Variants in FRMD6 observed in about 807,000 individuals in gnomAD.
FRMD6 encodes FERM domain-containing protein 6.
Under a neutral mutation model 73.2 loss-of-function variants are expected in FRMD6, and 37 were observed. The ratio of observed to expected loss-of-function variants is 0.51; its 90% CI spans 0.39 to 0.66. The LOEUF (loss-of-function observed/expected upper bound fraction) is 0.66, where lower values mean the gene tolerates loss of function less well. Among genes scored for constraint, FRMD6 ranks in the 30% least tolerant of loss-of-function variants. The pLI, the probability that FRMD6 is intolerant of heterozygous loss-of-function variation, is 0.00. For synonymous variants in FRMD6, 273 were observed against 282.2 expected, an observed-to-expected ratio of 0.97 and a Z score of 0.33; for missense variants, 714 against 780.5, an observed-to-expected ratio of 0.91 and a Z score of 1.02.
the FRMD6 span, among the ~76,000 whole-genome samples, chr14:51,482,292 G>A: frequency 7.1e-4 from 108 of 152,034 alleles, no homozygotes; most frequent in African/African-American, 2.4e-3. Flanking sequence ...AGAGTGCAGG[G>A]CCTCCTGGAG....
At chr14:51,405,659 G>T in the FRMD6 span, among the ~76,000 whole-genome samples, 1 of 151,296 alleles carries the variant, frequency 6.6e-6, no homozygotes, top group Admixed American at 6.6e-5. Flanking sequence ...TTTTTAATGG[G>T]GTTATTTGTT....
At chr14:51,458,544 A>G in the FRMD6 span, among the ~76,000 whole-genome samples, 1 of 152,350 alleles carries the variant, frequency 6.6e-6, no homozygotes, top group East Asian at 1.9e-4. Flanking sequence ...GAATTCCTCA[A>G]TACTATCTCT....
chr14:51,497,892 G>T (rs988855812), intron 1 of FRMD6, among the ~76,000 whole-genome samples: 4 of 152,134 alleles, frequency 2.6e-5, no homozygotes, highest in Non-Finnish European at 5.9e-5. Context: ...TCATCCAGTT[G>T]AGAGTCTACT....
intron 1 of FRMD6, among the ~76,000 whole-genome samples, chr14:51,659,444 G>A (rs1893058021): frequency 6.6e-6 from 1 of 152,166 alleles, no homozygotes; most frequent in Admixed American, 6.5e-5. Context: ...TTTGTTTTTT[G>A]ATGGCATTAA....
chr14:51,725,699 T>G, intron 12 of FRMD6, 80 bp from the exon 13 acceptor site: 3 of 1,069,936 alleles, frequency 2.8e-6, no homozygotes, highest in Non-Finnish European at 2.9e-6. Context: ...TCATTCCTGA[T>G]AGCAATATGT....
intron 2 of FRMD6, chr14:51,697,938 C>T (rs1165869499): frequency 8.7e-6 from 4 of 462,328 alleles, no homozygotes; most frequent in Middle Eastern, 3.9e-4. Context: ...TACTTTATTA[C>T]CATGTTGTAA....
At chr14:51,554,371 C>T (rs937596530) in intron 1 of FRMD6, among the ~76,000 whole-genome samples, 1 of 152,070 alleles carries the variant, frequency 6.6e-6, no homozygotes, top group Non-Finnish European at 1.5e-5. Context: ...GAATGTAACT[C>T]CCAATTCCTT....
chr14:51,667,249 C>T (rs1446837003), intron 1 of FRMD6, among the ~76,000 whole-genome samples: 1 of 151,948 alleles, frequency 6.6e-6, no homozygotes, highest in Non-Finnish European at 1.5e-5. Context: ...TCATGGCTTT[C>T]AGAAATAGGA....
chr14:51,566,293 C>T (rs1407981500), intron 1 of FRMD6, among the ~76,000 whole-genome samples: 2 of 152,206 alleles, frequency 1.3e-5, no homozygotes, highest in Non-Finnish European at 2.9e-5. Flanking sequence ...ATTGACCAGC[C>T]ACTTGGATGT....
intron 1 of FRMD6, among the ~76,000 whole-genome samples, chr14:51,665,493 T>C (rs1477775992): frequency 2.0e-5 from 3 of 152,230 alleles, no homozygotes; most frequent in African/African-American, 7.2e-5. Flanking sequence ...GTCTACCTCA[T>C]GTTTCTGCTT....
chr14:51,494,998 A>G (rs1386669915), intron 1 of FRMD6, among the ~76,000 whole-genome samples: 3 of 152,144 alleles, frequency 2.0e-5, no homozygotes, highest in African/African-American at 7.2e-5. Context: ...TGGATTAACA[A>G]TTTCATCTTT....
intron 2 of FRMD6, among the ~76,000 whole-genome samples, chr14:51,589,429 T>G (rs934330730): frequency 6.6e-6 from 1 of 152,086 alleles, no homozygotes; most frequent in African/African-American, 2.4e-5. Flanking sequence ...AATGAAACCT[T>G]GCAAGAAACT....
chr14:51,601,252 C>A (rs1269642263), intron 2 of FRMD6, among the ~76,000 whole-genome samples: 1 of 152,194 alleles, frequency 6.6e-6, no homozygotes, highest in East Asian at 1.9e-4. Context: ...TGGCTGGCAG[C>A]CCCTGGGTCA....
intron 2 of FRMD6, among the ~76,000 whole-genome samples, chr14:51,578,430 C>A (rs886155066): frequency 9.2e-5 from 14 of 152,102 alleles, no homozygotes; most frequent in Non-Finnish European, 1.8e-4. Flanking sequence ...TGGGTTTAAA[C>A]CAAAAGAGGT....
chr14:51,505,166 C>T (rs769461150), intron 1 of FRMD6, among the ~76,000 whole-genome samples: 11 of 152,204 alleles, frequency 7.2e-5, no homozygotes, highest in Middle Eastern at 6.8e-3. Context: ...TTCTGTCCCC[C>T]GAATATTCTC....
chr14:51,665,267 C>A (rs563544259), intron 1 of FRMD6, among the ~76,000 whole-genome samples: 1 of 152,306 alleles, frequency 6.6e-6, no homozygotes, highest in South Asian at 2.1e-4. Context: ...GCTCTGTAGT[C>A]TCCCACAGTC....
the FRMD6 span, among the ~76,000 whole-genome samples, chr14:51,465,790 T>C: frequency 6.6e-6 from 1 of 152,098 alleles, no homozygotes; most frequent in African/African-American, 2.4e-5. Context: ...AAACATGTTT[T>C]CTTTTTTTTT....
intron 1 of FRMD6, chr14:51,547,600 A>G (rs542036801): frequency 4.6e-5 from 7 of 152,318 alleles, no homozygotes; most frequent in Non-Finnish European, 1.0e-4. Flanking sequence ...TACGACGCTT[A>G]TTGAGTATGG....
At chr14:51,567,397 A>G (rs984925242) in intron 1 of FRMD6, among the ~76,000 whole-genome samples, 2 of 152,132 alleles carry the variant, frequency 1.3e-5, no homozygotes, top group Non-Finnish European at 2.9e-5. Flanking sequence ...CCCAGACTGG[A>G]GTACAGTGGA....
Sources: allele counts gnomAD v4.1 joint callset (sites outside exome capture counted in the v4.1 genomes callset), GRCh38; gene constraint gnomAD v4.1.1; transcripts MANE v1.5; gene names NCBI Gene and HGNC (gene_info 2026-07-23, HGNC 2026-07-21).